The following UTP6 variants were observed in gnomAD, a reference collection of about 807,000 sequenced individuals.
The protein encoded by UTP6 is U3 small nucleolar RNA-associated protein 6 homolog.
A neutral mutation model predicts 96.5 loss-of-function variants in UTP6; 60 were observed. The observed-to-expected ratio is 0.62, with a 90% CI of 0.51 to 0.77. UTP6 has a LOEUF of 0.77. Ranked by LOEUF, UTP6 falls within the 30% of genes least tolerant of loss-of-function variation. UTP6 has a pLI of 0.00. For synonymous variants in UTP6, 215 were observed against 240.1 expected, an observed-to-expected ratio of 0.90 and a Z score of 0.96; for missense variants, 637 against 706.5, an observed-to-expected ratio of 0.90 and a Z score of 1.12.
In UTP6 at chr17:31,887,231, C is replaced by A; in HGVS notation, c.621+5G>T. 1 of 1,613,120 alleles carries A rather than the reference C, an allele frequency of 6.2e-7. No individual in the cohort carries two copies. Among genetic ancestry groups the A allele is most frequent in the South Asian group, 1.1e-5 (1 of 91,052 alleles). On this transcript the variant is annotated splice_donor_5th_base_variant and intron_variant, in intron 8 of 18. Coordinates refer to ENST00000261708, the MANE Select transcript of UTP6 (RefSeq NM_018428.3). Reference sequence around the variant, plus strand: ...CAAGTGAGAATAAAATAATTAGAACCTTACCACATCCATACTGGCTTTTTC... The same window carrying A: ...CAAGTGAGAATAAAATAATTAGAACATTACCACATCCATACTGGCTTTTTC...
In UTP6 at chr17:31,878,699, C is replaced by T; in HGVS notation, c.1047+3G>A. The T allele has an allele frequency of 6.2e-7, 1 of 1,613,788 alleles. No homozygotes were observed. The highest frequency in any genetic ancestry group is 8.5e-7 in the Non-Finnish European group (1 of 1,179,776). On this transcript the variant is annotated splice_donor_region_variant and intron_variant, in intron 12 of 18. Transcript: ENST00000261708. ...AACCACTGTAACCATGTAACAACCT[C>T]ACCTTCCCTCTAAGGAACCCACTAT...
At chr17:31,867,267 G>A (rs1909879070) in intron 17 of UTP6, among the ~76,000 whole-genome samples, 1 of 152,174 alleles carries the variant, frequency 6.6e-6, no homozygotes, top group Admixed American at 6.6e-5. Flanking sequence ...CAGCACTTTG[G>A]GAGGCTGAGG....
intron 10 of UTP6, among the ~76,000 whole-genome samples, chr17:31,883,728 G>C (rs1567786387): frequency 1.3e-5 from 2 of 151,876 alleles, no homozygotes; most frequent in African/African-American, 4.8e-5. Flanking sequence ...CCAGACAGGA[G>C]TGGAGTGGCA....
At chr17:31,888,764 C>T (rs911666622) in intron 7 of UTP6, among the ~76,000 whole-genome samples, 1 of 152,010 alleles carries the variant, frequency 6.6e-6, no homozygotes. Flanking sequence ...AAATTGAAGC[C>T]TTTTTTATTT....
chr17:31,887,510 GATA>G lies in UTP6; in HGVS notation c.544-200_544-198del, dbSNP rs957652167. 3 of 515,878 alleles carry G rather than the reference GATA, an allele frequency of 5.8e-6. No homozygotes were observed. The African/African-American group carries it at 5.8e-5, about 10-fold the overall frequency. The allele number at this position is 515,878 out of a possible 1,614,324, so 32.0% of individuals were successfully genotyped here. On this transcript the variant is annotated intron_variant, in intron 7 of 18. Coordinates refer to ENST00000261708, the MANE Select transcript of UTP6 (RefSeq NM_018428.3). ...TTAGAGGTGCATTCCATCACACTCA[GATA>G]ATTTTTTTATTTTTATTTTTTGTAG... is the stretch of plus-strand genomic sequence containing the variant.
Position 31,863,320 on chromosome 17 carries a change from T to G in UTP6, c.*39A>C. 6.2e-7 allele frequency: 1 copy of G among 1,607,260 alleles called. No homozygotes were observed. The highest frequency in any genetic ancestry group is 8.5e-7 in the Non-Finnish European group (1 of 1,176,774). Reference sequence around the variant, plus strand: ...TACAAATTTGCCCACGGGGCTTGCTTGCAATACTATTTCACAAAGCTGACT... The same window carrying G: ...TACAAATTTGCCCACGGGGCTTGCTGGCAATACTATTTCACAAAGCTGACT... On this transcript the variant is annotated 3_prime_UTR_variant, in exon 19 of 19. Coordinates refer to ENST00000261708, the MANE Select transcript of UTP6 (RefSeq NM_018428.3).
At position 31,877,002 on chromosome 17, in the gene UTP6, ACT is replaced by A. The variant is rs1910536561; in HGVS notation, c.1125+1246_1125+1247del. Among the ~76,000 whole-genome samples, 5 of 152,174 alleles carry A rather than the reference ACT, an allele frequency of 3.3e-5. No individual in the cohort carries two copies. In the South Asian group the frequency reaches 1.0e-3, roughly 31 times the overall value. ...ACTCCAGGCTGGGTGACAGAGCAAG[ACT>A]CTGTCTCCAAAAAAATTTTAAAAAT... On this transcript the variant is annotated intron_variant, in intron 13 of 18. Coordinates refer to ENST00000261708, the MANE Select transcript of UTP6 (RefSeq NM_018428.3).
chr17:31,865,201 C>T (rs1009426701), intron 18 of UTP6, among the ~76,000 whole-genome samples, 165 bp downstream of exon 18: 1 of 152,064 alleles, frequency 6.6e-6, no homozygotes, highest in African/African-American at 2.4e-5. Flanking sequence ...TTAGTAGAGA[C>T]GGGGTTTCAC....
At chr17:31,891,392 T>G (rs1236003945) in intron 6 of UTP6, among the ~76,000 whole-genome samples, 1 of 152,350 alleles carries the variant, frequency 6.6e-6, no homozygotes, top group African/African-American at 2.4e-5. Context: ...AAGAGCATTC[T>G]GCAGAAGGAA....
At chr17:31,898,208 A>T (rs1220452170) in intron 2 of UTP6, among the ~76,000 whole-genome samples, 2 of 152,186 alleles carry the variant, frequency 1.3e-5, no homozygotes, top group African/African-American at 4.8e-5. Flanking sequence ...ATATCTATCT[A>T]ATGAACGTTT....
At position 31,861,663 on chromosome 17, in the gene UTP6, A is replaced by T. The variant is rs1315559151; in HGVS notation, c.*1696T>A. On this transcript the variant is annotated 3_prime_UTR_variant, in exon 19 of 19. Transcript: ENST00000261708. Reference sequence around the variant, plus strand: ...TAAATTAGTAAGAAAAAAAATTTTTAAATAGTCTAAGGATGTAAAAAGATG... The same window carrying T: ...TAAATTAGTAAGAAAAAAAATTTTTTAATAGTCTAAGGATGTAAAAAGATG... 2.0e-5 allele frequency: 3 copies of T among 152,190 alleles called. No individual in the cohort carries two copies. The highest frequency in any genetic ancestry group is 4.4e-5 in the Non-Finnish European group (3 of 68,038). The allele number at this position is 152,190 out of a possible 1,614,324, so 9.4% of individuals were successfully genotyped here. A position where few individuals can be genotyped will look rare whatever the true frequency, so the allele number is the denominator to read the frequency against.
intron 7 of UTP6, 166 bp from the exon 8 acceptor site, chr17:31,887,479 C>CT: frequency 1.7e-6 from 1 of 591,428 alleles, no homozygotes; most frequent in Non-Finnish European, 3.0e-6. Context: ...TCCTGAGTAG[C>CT]TAGGATTAGA....
chr17:31,885,945 T>C, intron 9 of UTP6, 35 bp downstream of exon 9: 2 of 1,575,228 alleles, frequency 1.3e-6, no homozygotes, highest in African/African-American at 1.4e-5. Flanking sequence ...AATGTTTCAC[T>C]TTCCTACCAA....
intron 8 of UTP6, chr17:31,886,615 G>T (rs1437540331): frequency 3.9e-5 from 6 of 153,792 alleles, no homozygotes; most frequent in African/African-American, 1.4e-4. Context: ...AGTGAGCCAA[G>T]ATCGTGCCAG....
At chr17:31,883,736 G>A (rs1327609671) in intron 10 of UTP6, among the ~76,000 whole-genome samples, 1 of 151,854 alleles carries the variant, frequency 6.6e-6, no homozygotes, top group African/African-American at 2.4e-5. Context: ...GAGTGGAGTG[G>A]CAGGATCACA....
At position 31,886,003 on chromosome 17, in the gene UTP6, T is replaced by C; in HGVS notation, c.680A>G (p.Lys227Arg). 1 of 1,613,732 alleles carries C rather than the reference T, an allele frequency of 6.2e-7. No individual in the cohort carries two copies. Among genetic ancestry groups the C allele is most frequent in the South Asian group, 1.1e-5 (1 of 90,940 alleles). Residue 227 changes from lysine to arginine, a missense_variant, in exon 9 of 19, where the codon AAA (lysine) becomes AGA (arginine). Transcript: ENST00000261708. ...LKGELAWIIY[K>R]NSVSIIKGAE... ...ACCTTTAATTATGCTTACAGAATTT[T>C]TGTAGATGATCCATGCCAACTCGCC...
At chr17:31,883,268 T>C (rs911846280) in intron 10 of UTP6, among the ~76,000 whole-genome samples, 8 of 151,480 alleles carry the variant, frequency 5.3e-5, no homozygotes, top group Non-Finnish European at 1.0e-4. Context: ...TCTCATTTTA[T>C]GGATAAATGC....
intron 12 of UTP6, 124 bp from the exon 13 acceptor site, chr17:31,878,451 G>GAAAC: frequency 1.0e-6 from 1 of 977,402 alleles, no homozygotes; most frequent in Non-Finnish European, 1.6e-6. Flanking sequence ...GCTCCTGCAT[G>GAAAC]GTGGTTTCAC....
chr17:31,872,617 G>C (rs1341274152), intron 16 of UTP6, among the ~76,000 whole-genome samples: 1 of 151,638 alleles, frequency 6.6e-6, no homozygotes, highest in African/African-American at 2.4e-5. Context: ...TCAAGGCTTC[G>C]GTGAACCATG....
Sources: allele counts gnomAD v4.1 joint callset (sites outside exome capture counted in the v4.1 genomes callset), GRCh38; gene constraint gnomAD v4.1.1; transcripts MANE v1.5; gene names NCBI Gene and HGNC (gene_info 2026-07-23, HGNC 2026-07-21).